The following SPNS2 variants were observed in gnomAD, a reference collection of about 807,000 sequenced individuals.
SPNS2 encodes the protein sphingosine-1-phosphate transporter SPNS2.
A neutral mutation model predicts 57.6 loss-of-function variants in SPNS2; 37 were observed. The observed-to-expected ratio is 0.64, with a 90% CI of 0.49 to 0.85. SPNS2 has a LOEUF of 0.85. SPNS2 is among the 40% of genes least tolerant of loss of function. The probability of loss-of-function intolerance (pLI) is 0.00; values close to 1 mark genes in which losing one functional copy is unlikely to be tolerated. For synonymous variants in SPNS2, 440 were observed against 346.9 expected, an observed-to-expected ratio of 1.27 and a Z score of -2.98; for missense variants, 831 against 779.1, an observed-to-expected ratio of 1.07 and a Z score of -0.79.
intron 9 of SPNS2, among the ~76,000 whole-genome samples, chr17:4,535,272 C>G (rs1905721490): frequency 6.6e-6 from 1 of 152,134 alleles, no homozygotes; most frequent in Non-Finnish European, 1.5e-5. Flanking sequence ...CCCAGCAGTG[C>G]CGGCATTTGG....
intron 4 of SPNS2, 80 bp downstream of exon 4, chr17:4,530,863 G>A: frequency 1.9e-6 from 3 of 1,550,224 alleles, no homozygotes; most frequent in Non-Finnish European, 2.6e-6. Flanking sequence ...CACTCCCTGG[G>A]GTTCTAGCCC....
At chr17:4,523,545 A>G (rs978872973) in intron 2 of SPNS2, among the ~76,000 whole-genome samples, 28 of 152,188 alleles carry the variant, frequency 1.8e-4, no homozygotes, top group Admixed American at 1.3e-3. Flanking sequence ...AGGCAGGTGG[A>G]TCACCTGAGG....
intron 3 of SPNS2, among the ~76,000 whole-genome samples, chr17:4,526,381 T>TC (rs1481839087): frequency 1.3e-5 from 2 of 152,038 alleles, no homozygotes; most frequent in African/African-American, 4.8e-5. Context: ...GGCGGGTGGA[T>TC]CCCCTGAGGT....
chr17:4,525,388 C>T (rs1287355067), intron 3 of SPNS2, among the ~76,000 whole-genome samples, 195 bp downstream of exon 3: 5 of 152,252 alleles, frequency 3.3e-5, no homozygotes, highest in East Asian at 1.9e-4. Flanking sequence ...GGGCCTTCCC[C>T]ACGCTGGCCT....
chr17:4,499,277 C>T lies in SPNS2; in HGVS notation c.230C>T (p.Thr77Ile). 3 of 1,488,448 alleles carry T rather than the reference C, an allele frequency of 2.0e-6. No homozygotes were observed. Among genetic ancestry groups the T allele is most frequent in the Middle Eastern group, 2.2e-4 (1 of 4,570 alleles). The allele number at this position is 1,488,448 out of a possible 1,614,324, so 92.2% of individuals were successfully genotyped here. ...APTGPPGTPG[T>I]PGCAATAKGP... ...ACCGGACCCCCCGGCACCCCCGGCACCCCCGGCTGCGCAGCTACTGCAAAG... is the reference window on the plus strand; with the variant it reads ...ACCGGACCCCCCGGCACCCCCGGCATCCCCGGCTGCGCAGCTACTGCAAAG... Residue 77 changes from threonine (T) to isoleucine (I), a missense_variant, in exon 1 of 13, where the codon ACC becomes ATC. Thr to Ile is a moderately conservative substitution (Grantham distance 89). Around this residue, in one of 2 missense-constraint regions of SPNS2, gnomAD observed 305 missense variants for 378.3 expected, o/e 0.81. Coordinates refer to ENST00000329078, the MANE Select transcript of SPNS2 (RefSeq NM_001124758.3). This position sits in a 1 kb window ranked among gnomAD's most constrained non-coding sequence, Gnocchi z 5.2.
chr17:4,538,784 A>G lies in SPNS2; in HGVS notation c.*1336A>G. On this transcript the variant is annotated 3_prime_UTR_variant, in exon 13 of 13. Transcript: ENST00000329078. ...ACCCACCAAGCTCTGGGGTACCCCG[A>G]GGGCCTGACAAGAGGATGGGGTGGG... is the stretch of plus-strand genomic sequence containing the variant. 1.3e-6 allele frequency: 1 copy of G among 746,330 alleles called. No individual in the cohort carries two copies. Among genetic ancestry groups the G allele is most frequent in the South Asian group, 1.4e-5 (1 of 70,424 alleles). 46.2% of individuals were successfully genotyped at this position (746,330 alleles called of 1,614,324 possible).
intron 1 of SPNS2, among the ~76,000 whole-genome samples, chr17:4,501,322 CAG>C (rs146598167): frequency 0.072 from 10,933 of 152,136 alleles, 545 homozygotes; most frequent in Non-Finnish European, 0.11. Flanking sequence ...GGGGCAGAGC[CAG>C]AGAGGGTGGG....
chr17:4,533,464 G>GA, intron 8 of SPNS2, 32 bp downstream of exon 8: 1 of 1,561,966 alleles, frequency 6.4e-7, no homozygotes, highest in Non-Finnish European at 8.7e-7. Context: ...GGTGCTGGGG[G>GA]AGCTGGGCCT....
intron 7 of SPNS2, 27 bp from the exon 8 acceptor site, chr17:4,533,216 G>C (rs187158003): frequency 1.3e-6 from 2 of 1,582,922 alleles, no homozygotes; most frequent in Non-Finnish European, 8.6e-7. Context: ...GCCTCAACTC[G>C]TGCGCCACCA....
At chr17:4,527,687 CAAT>C (rs1207697175) in intron 3 of SPNS2, among the ~76,000 whole-genome samples, 2 of 152,130 alleles carry the variant, frequency 1.3e-5, no homozygotes, top group East Asian at 3.8e-4. Context: ...ATTAGAACAA[CAAT>C]GAGATCCCAT....
chr17:4,504,215 G>A (rs1904611504), intron 1 of SPNS2, among the ~76,000 whole-genome samples: 1 of 152,238 alleles, frequency 6.6e-6, no homozygotes, highest in Admixed American at 6.5e-5. Flanking sequence ...CTGCACCGTG[G>A]AGAAACCCCA....
At chr17:4,533,725 C>CAGAG in intron 8 of SPNS2, 63 bp from the exon 9 acceptor site, 1 of 1,580,000 alleles carries the variant, frequency 6.3e-7, no homozygotes. Context: ...GTGTAGGGAA[C>CAGAG]AGAGACTGTG....
intron 2 of SPNS2, among the ~76,000 whole-genome samples, chr17:4,523,138 C>A (rs192259516): frequency 6.5e-4 from 99 of 152,354 alleles, no homozygotes; most frequent in Non-Finnish European, 5.0e-4. Flanking sequence ...ACTTTGACCG[C>A]TCAATTTAAA....
chr17:4,535,644 C>T (rs1905743504), intron 9 of SPNS2, among the ~76,000 whole-genome samples: 2 of 152,148 alleles, frequency 1.3e-5, no homozygotes, highest in South Asian at 4.1e-4. Context: ...GTGACTGGCG[C>T]CTGGGCAACC....
At position 4,513,243 on chromosome 17, in the gene SPNS2, C is replaced by T. The variant is rs763114990; in HGVS notation, c.371-4C>T. ...CCAGTGAGCACCCTCTGTCTTCCCTCCAGGCGTCCTTCTGGACATCCAGCA... is the reference window on the plus strand; with the variant it reads ...CCAGTGAGCACCCTCTGTCTTCCCTTCAGGCGTCCTTCTGGACATCCAGCA... On this transcript the variant is annotated splice_polypyrimidine_tract_variant and splice_region_variant and intron_variant, in intron 1 of 12. Coordinates refer to ENST00000329078, the MANE Select transcript of SPNS2 (RefSeq NM_001124758.3). 3 of 1,613,772 alleles carry T rather than the reference C, an allele frequency of 1.9e-6. No homozygotes were observed. The highest frequency in any genetic ancestry group is 1.7e-5 in the Admixed American group (1 of 60,002).
chr17:4,534,123 CTGGCGGTGCCAGGCTGGCACTGAGG>C (rs1905641852), intron 9 of SPNS2, among the ~76,000 whole-genome samples: 1 of 152,164 alleles, frequency 6.6e-6, no homozygotes, highest in African/African-American at 2.4e-5. Flanking sequence ...GGCTGGGAGG[CTGGCGGTGCCAGGCTGGCACTGAGG>C]TGGCGCTGCC....
intron 2 of SPNS2, among the ~76,000 whole-genome samples, chr17:4,518,684 G>A (rs1002265568): frequency 1.3e-5 from 2 of 152,210 alleles, no homozygotes; most frequent in African/African-American, 4.8e-5. Flanking sequence ...GGAACGGAGG[G>A]AGAGTGGGGA....
At chr17:4,514,389 C>T (rs1016365755) in intron 2 of SPNS2, among the ~76,000 whole-genome samples, 3 of 152,120 alleles carry the variant, frequency 2.0e-5, no homozygotes, top group Non-Finnish European at 4.4e-5. Flanking sequence ...GGAGTGAGCT[C>T]GTTCTGTCCA....
intron 2 of SPNS2, among the ~76,000 whole-genome samples, chr17:4,519,685 G>A (rs1905090875): frequency 6.7e-6 from 1 of 149,388 alleles, no homozygotes; most frequent in Non-Finnish European, 1.5e-5. Flanking sequence ...CTGCCAGTCT[G>A]CCCAGAAAGC....
Sources: allele counts gnomAD v4.1 joint callset (sites outside exome capture counted in the v4.1 genomes callset), GRCh38; gene constraint gnomAD v4.1.1; regional missense constraint gnomAD v4.1.1; non-coding constraint Gnocchi (gnomAD v3.1); transcripts MANE v1.5; gene names NCBI Gene and HGNC (gene_info 2026-07-23, HGNC 2026-07-21).